Variants in MINDY4B observed in about 807,000 individuals in gnomAD.
The protein encoded by MINDY4B is inactive ubiquitin carboxyl-terminal hydrolase MINDY-4B.
A neutral mutation model predicts 16.7 loss-of-function variants in MINDY4B; 25 were observed. The ratio of observed to expected loss-of-function variants is 1.49; its 90% CI spans 1.09 to 2.09. The LOEUF (loss-of-function observed/expected upper bound fraction) is 2.09. Ranked by LOEUF, MINDY4B falls within the 30% of genes most tolerant of loss-of-function variation. MINDY4B has a pLI of 0.00. For missense variants in MINDY4B, 327 were observed against 168.4 expected, an observed-to-expected ratio of 1.94 and a Z score of -5.21; for synonymous variants, 132 against 61.9, an observed-to-expected ratio of 2.13 and a Z score of -5.32.
intron 11 of MINDY4B, 37 bp downstream of exon 11, chr3:150,873,150 A>T (rs899671351): frequency 1.5e-6 from 1 of 688,812 alleles, no homozygotes; most frequent in African/African-American, 1.8e-5. Flanking sequence ...CTTTGAGCAC[A>T]TTAAAATCCA....
chr3:150,889,095 T>C (rs1286648249), intron 7 of MINDY4B, among the ~76,000 whole-genome samples: 3 of 152,242 alleles, frequency 2.0e-5, no homozygotes, highest in Non-Finnish European at 4.4e-5. Flanking sequence ...CATACAGGTT[T>C]TACTAGGCTC....
intron 11 of MINDY4B, among the ~76,000 whole-genome samples, 200 bp downstream of exon 11, chr3:150,872,987 G>A (rs1208668703): frequency 6.6e-6 from 1 of 152,140 alleles, no homozygotes; most frequent in Non-Finnish European, 1.5e-5. Flanking sequence ...CCTGCTCCTA[G>A]GTAAAGCAGA....
At chr3:150,899,061 T>G (rs1712048929) in intron 3 of MINDY4B, among the ~76,000 whole-genome samples, 1 of 152,230 alleles carries the variant, frequency 6.6e-6, no homozygotes. Context: ...AACAGAGTAG[T>G]AGACTCTTGG....
intron 7 of MINDY4B, among the ~76,000 whole-genome samples, chr3:150,889,626 C>A (rs1402943403): frequency 6.6e-6 from 1 of 152,070 alleles, no homozygotes; most frequent in Non-Finnish European, 1.5e-5. Flanking sequence ...TTGTTTAACT[C>A]ATTCAACAGA....
intron 7 of MINDY4B, among the ~76,000 whole-genome samples, chr3:150,887,139 A>T (rs145590716): frequency 6.6e-6 from 1 of 152,308 alleles, no homozygotes; most frequent in African/African-American, 2.4e-5. Flanking sequence ...AAGTAAAATA[A>T]GGGTTACGAA....
intron 3 of MINDY4B, chr3:150,901,178 T>C (rs1039604954): frequency 6.6e-6 from 1 of 152,252 alleles, no homozygotes; most frequent in African/African-American, 2.4e-5. Flanking sequence ...AATACATTTT[T>C]ATTAAAGTTT....
At chr3:150,891,162 G>A in intron 5 of MINDY4B, 59 bp from the exon 6 acceptor site, 1 of 668,330 alleles carries the variant, frequency 1.5e-6, no homozygotes, top group Non-Finnish European at 2.8e-6. Flanking sequence ...TAGCCACAGA[G>A]ATGGGAAGTA....
At chr3:150,874,264 C>G (rs888613425) in intron 10 of MINDY4B, among the ~76,000 whole-genome samples, 2 of 152,076 alleles carry the variant, frequency 1.3e-5, no homozygotes, top group Non-Finnish European at 1.5e-5. Context: ...AATCTACCTG[C>G]CTTGGCCTCC....
chr3:150,897,434 A>G (rs920837495), intron 3 of MINDY4B, among the ~76,000 whole-genome samples: 1 of 151,688 alleles, frequency 6.6e-6, no homozygotes, highest in Non-Finnish European at 1.5e-5. Context: ...GATCCTGGAT[A>G]ACTTTGAATA....
intron 5 of MINDY4B, among the ~76,000 whole-genome samples, chr3:150,892,603 C>G (rs1001717528): frequency 1.3e-5 from 2 of 152,048 alleles, no homozygotes; most frequent in African/African-American, 4.8e-5. Context: ...TTGAGCTGAT[C>G]TTTAAAAATA....
chr3:150,893,517 G>T lies in MINDY4B; in HGVS notation c.430-102C>A, dbSNP rs934627552. On this transcript the variant is annotated intron_variant, in intron 4 of 11. Transcript: ENST00000465419. ...CCCTCCTGGTATCCCCCAGAGCTTT[G>T]TGAAGGGACACCATGCTATATTTGT... is the stretch of plus-strand genomic sequence containing the variant. The T allele has an allele frequency of 1.5e-5, 10 of 687,980 alleles. No individual in the cohort carries two copies. In the African/African-American group the frequency reaches 1.8e-4, roughly 12 times the overall value. The allele number at this position is 687,980 out of a possible 1,614,324, so 42.6% of individuals were successfully genotyped here.
In MINDY4B at chr3:150,900,388, G is replaced by A. The variant is rs188253354; in HGVS notation, c.309+2861C>T. ...TCCAAACAGAGAAGAGAAAAGAATA[G>A]CAGAATGACAACAAAAGGATTTCTG... On this transcript the variant is annotated intron_variant, in intron 3 of 11. Coordinates refer to ENST00000465419, the MANE Select transcript of MINDY4B (RefSeq NM_001351281.2). Among the ~76,000 whole-genome samples the A allele has an allele frequency of 2.7e-3, 415 of 152,304 alleles. 1 individual carries two copies. The highest frequency in any genetic ancestry group is 4.0e-3 in the Non-Finnish European group (271 of 68,024).
chr3:150,876,303 T>A (rs972337281), intron 10 of MINDY4B, among the ~76,000 whole-genome samples: 1 of 152,164 alleles, frequency 6.6e-6, no homozygotes, highest in Non-Finnish European at 1.5e-5. Context: ...ATTGAGTCCA[T>A]GTAATTCTTT....
chr3:150,890,402 G>A lies in MINDY4B; in HGVS notation c.688-17C>T. ...CAGCTGGAGCTATAAATCAGGAACA[G>A]AAGATAAAAATGAAAAGGAAGATGA... On this transcript the variant is annotated splice_polypyrimidine_tract_variant and intron_variant, in intron 6 of 11. Transcript: ENST00000465419. The A allele has an allele frequency of 1.6e-6, 1 of 614,686 alleles. No individual in the cohort carries two copies. The highest frequency in any genetic ancestry group is 2.9e-6 in the Non-Finnish European group (1 of 350,280). The allele number at this position is 614,686 out of a possible 1,614,324, so 38.1% of individuals were successfully genotyped here. A position where few individuals can be genotyped will look rare whatever the true frequency, so the allele number is the denominator to read the frequency against.
chr3:150,871,520 G>A (rs1191315291), intron 11 of MINDY4B, among the ~76,000 whole-genome samples: 13 of 150,974 alleles, frequency 8.6e-5, no homozygotes, highest in African/African-American at 1.2e-4. Flanking sequence ...GTGACACCTA[G>A]AACCAGGTAT....
chr3:150,879,394 G>T (rs978471332), intron 10 of MINDY4B, among the ~76,000 whole-genome samples: 1 of 152,162 alleles, frequency 6.6e-6, no homozygotes, highest in African/African-American at 2.4e-5. Context: ...TCAATAGCCT[G>T]CAGTGGACAG....
chr3:150,887,939 T>A (rs1298464006), intron 7 of MINDY4B, among the ~76,000 whole-genome samples: 1 of 151,946 alleles, frequency 6.6e-6, no homozygotes, highest in Non-Finnish European at 1.5e-5. Flanking sequence ...AAACCCCGTC[T>A]CTACTAAAAA....
chr3:150,881,957 T>C (rs11709676), intron 10 of MINDY4B, among the ~76,000 whole-genome samples: 13,583 of 152,200 alleles, frequency 0.089, 793 homozygotes, highest in Non-Finnish European at 0.13. Context: ...CCTATATACA[T>C]GAAAGGCGTT....
chr3:150,879,957 T>G (rs1029896221), intron 10 of MINDY4B, among the ~76,000 whole-genome samples: 1 of 152,278 alleles, frequency 6.6e-6, no homozygotes, highest in African/African-American at 2.4e-5. Context: ...TTAGCTGTGC[T>G]GAATGAACAT....
Sources: gnomAD v4.1 joint callset for allele counts (sites outside exome capture counted in the v4.1 genomes callset) on GRCh38, gnomAD v4.1.1 for gene constraint, MANE v1.5 for transcripts, NCBI Gene and HGNC (gene_info 2026-07-23, HGNC 2026-07-21) for gene names.